The following CYP20A1 variants were observed in gnomAD, a reference collection of about 807,000 sequenced individuals.
The protein encoded by CYP20A1 is cytochrome P450 family 20 subfamily A member 1.
In CYP20A1, 61 loss-of-function variants were observed where a neutral mutation model predicts 61.4. The ratio of observed to expected loss-of-function variants is 0.99; its 90% confidence interval spans 0.81 to 1.23. The LOEUF is 1.23. Among genes scored for constraint, CYP20A1 ranks in the 50% most tolerant of loss-of-function variants. The probability of loss-of-function intolerance (pLI) is 0.00; values close to 1 mark genes in which losing one functional copy is unlikely to be tolerated. For missense variants in CYP20A1, 530 were observed against 542.4 expected (o/e 0.98, Z 0.23); for synonymous variants, 193 against 188.2 (o/e 1.03, Z -0.21).
intron 6 of CYP20A1, among the ~76,000 whole-genome samples, chr2:203,274,298 G>A (rs2067725819): frequency 6.6e-6 from 1 of 151,152 alleles, no homozygotes; most frequent in Non-Finnish European, 1.5e-5. Flanking sequence ...CGATTCTTCT[G>A]CCTCAGCCTC....
chr2:203,272,900 T>G (rs938198845), intron 6 of CYP20A1, 152 bp downstream of exon 6: 7 of 418,266 alleles, frequency 1.7e-5, no homozygotes, highest in Non-Finnish European at 2.9e-5. Context: ...CAGGCTGGAG[T>G]GCAGTGGTGC....
rs193105507 is a variant in CYP20A1 at position 203,261,270 on chromosome 2, G to A, written c.433-5244G>A. 8.1e-3 allele frequency among the ~76,000 whole-genome samples: 1,229 copies of A among 151,724 alleles called. 10 individuals carry two copies. The highest frequency in any genetic ancestry group is 0.013 in the Non-Finnish European group (915 of 67,872). ...CTAAGGAGAACTCTAAAGAATATAGGAATACAGCTGGGCACAGTAACTTAT... is the reference window on the plus strand; with the variant it reads ...CTAAGGAGAACTCTAAAGAATATAGAAATACAGCTGGGCACAGTAACTTAT... On this transcript the variant is annotated intron_variant, in intron 4 of 12. Coordinates refer to ENST00000356079, the MANE Select transcript of CYP20A1 (RefSeq NM_177538.3).
chr2:203,288,061 C>CT lies in CYP20A1; in HGVS notation c.972-1682dup, dbSNP rs869173270. Among the ~76,000 whole-genome samples the CT allele has an allele frequency of 1.6e-4, 11 of 70,460 alleles. 1 individual carries two copies. Among genetic ancestry groups the CT allele is most frequent in the African/African-American group, 5.2e-4 (8 of 15,384 alleles). 46.2% of individuals were successfully genotyped at this position (70,460 alleles called of 152,430 possible). On this transcript the variant is annotated intron_variant, in intron 9 of 12. Transcript: ENST00000356079. ...TCAGCCTGTGTTTATTTCTCTCTCT[C>CT]TTTTTTTTTTTTTTTTTTTTTTCAG... is the stretch of plus-strand genomic sequence containing the variant.
intron 4 of CYP20A1, among the ~76,000 whole-genome samples, chr2:203,263,814 G>T (rs553702108): frequency 6.6e-6 from 1 of 152,204 alleles, no homozygotes; most frequent in South Asian, 2.1e-4. Context: ...TTTGAGACTT[G>T]CTCTGTGTCC....
At chr2:203,278,046 C>T (rs1201889257) in intron 6 of CYP20A1, among the ~76,000 whole-genome samples, 3 of 152,018 alleles carry the variant, frequency 2.0e-5, no homozygotes, top group East Asian at 1.9e-4. Context: ...GAGGCCGAGG[C>T]GGATGGATTG....
At chr2:203,250,361 A>G (rs1241268216) in intron 3 of CYP20A1, among the ~76,000 whole-genome samples, 3 of 152,206 alleles carry the variant, frequency 2.0e-5, no homozygotes, top group Admixed American at 2.0e-4. Context: ...TGAAGAAGGT[A>G]TTATGGTTAT....
chr2:203,255,135 T>C (rs2066848515), intron 4 of CYP20A1, among the ~76,000 whole-genome samples: 1 of 152,206 alleles, frequency 6.6e-6, no homozygotes, highest in Admixed American at 6.5e-5. Context: ...TCCATGATCT[T>C]ACCTGGATTG....
At chr2:203,267,838 C>T (rs1460318337) in intron 5 of CYP20A1, among the ~76,000 whole-genome samples, 1 of 145,340 alleles carries the variant, frequency 6.9e-6, no homozygotes, top group Admixed American at 6.9e-5. Flanking sequence ...AGCAAGAGTC[C>T]ATCTCAAAAA....
intron 11 of CYP20A1, among the ~76,000 whole-genome samples, chr2:203,292,646 A>T (rs1007806707): frequency 6.6e-6 from 1 of 152,010 alleles, no homozygotes; most frequent in South Asian, 2.1e-4. Flanking sequence ...TTTTGTACAG[A>T]TGGGGTTTCA....
chr2:203,270,517 A>G (rs972515464), intron 5 of CYP20A1, among the ~76,000 whole-genome samples: 10 of 151,898 alleles, frequency 6.6e-5, no homozygotes, highest in African/African-American at 2.4e-4. Context: ...ACTAATCTAG[A>G]ACAGCTCTTT....
At chr2:203,288,520 A>T (rs1488838752) in intron 9 of CYP20A1, among the ~76,000 whole-genome samples, 1 of 152,056 alleles carries the variant, frequency 6.6e-6, no homozygotes, top group Non-Finnish European at 1.5e-5. Context: ...TGCCAACTAG[A>T]TTCTGAACCC....
intron 10 of CYP20A1, among the ~76,000 whole-genome samples, chr2:203,291,732 G>T (rs1247956567): frequency 1.3e-5 from 2 of 151,576 alleles, no homozygotes; most frequent in African/African-American, 2.4e-5. Flanking sequence ...CAACGTGCAG[G>T]TTTGTTACAT....
At chr2:203,296,704 G>A (rs1254158627) in intron 12 of CYP20A1, 54 bp from the exon 13 acceptor site, 1 of 1,547,520 alleles carries the variant, frequency 6.5e-7, no homozygotes. Context: ...GAACGTGCAG[G>A]TTTAAAGTAT....
At chr2:203,278,950 G>GT (rs1370648093) in intron 7 of CYP20A1, among the ~76,000 whole-genome samples, 3 of 152,044 alleles carry the variant, frequency 2.0e-5, no homozygotes, top group Non-Finnish European at 4.4e-5. Flanking sequence ...CATCATACAT[G>GT]TTTTTTTGGG....
At chr2:203,282,983 A>C (rs1174055698) in intron 8 of CYP20A1, among the ~76,000 whole-genome samples, 1 of 152,088 alleles carries the variant, frequency 6.6e-6, no homozygotes, top group African/African-American at 2.4e-5. Context: ...AGGCTGGGCA[A>C]TATAGTGGGA....
At chr2:203,258,005 G>GCTCAAGAGCAGTGGCACA (rs1455916330) in intron 4 of CYP20A1, among the ~76,000 whole-genome samples, 1 of 151,752 alleles carries the variant, frequency 6.6e-6, no homozygotes, top group Non-Finnish European at 1.5e-5. Flanking sequence ...GGGCTGAAGG[G>GCTCAAGAGCAGTGGCACA]ATCCTCCTGC....
At position 203,242,731 on chromosome 2, in the gene CYP20A1, C is replaced by T. The variant is rs908977099; in HGVS notation, c.73-3115C>T. On this transcript the variant is annotated intron_variant, in intron 1 of 12. Coordinates refer to ENST00000356079, the MANE Select transcript of CYP20A1 (RefSeq NM_177538.3). Reference sequence around the variant, plus strand: ...GCTTGAGCCTGGGAGATCGAGGCTGCAGTTAGCCAAGATGGCGCCATTGCA... The same window carrying T: ...GCTTGAGCCTGGGAGATCGAGGCTGTAGTTAGCCAAGATGGCGCCATTGCA... Among the ~76,000 whole-genome samples, 3 of 151,350 alleles carry T rather than the reference C, an allele frequency of 2.0e-5. 1 individual carries two copies. The highest frequency in any genetic ancestry group is 7.3e-5 in the African/African-American group (3 of 41,054).
intron 1 of CYP20A1, among the ~76,000 whole-genome samples, chr2:203,240,621 G>A (rs1018084329): frequency 1.3e-5 from 2 of 152,192 alleles, no homozygotes; most frequent in Non-Finnish European, 2.9e-5. Context: ...AGAAGGTGAA[G>A]GTGCAAGCCA....
rs147797037 is a variant in CYP20A1, at chr2:203,292,357, T to A, written c.1148+31T>A. 1,305 of 1,531,740 alleles carry A rather than the reference T, an allele frequency of 8.5e-4. 10 individuals carry two copies. The African/African-American group carries it at 0.016, about 18-fold the overall frequency. The allele number at this position is 1,531,740 out of a possible 1,614,324, so 94.9% of individuals were successfully genotyped here. ...AAATATTTGTCATTGTATTTGTGAC[T>A]GTCAGTTTTTGTGTTTGCACGTTTT... On this transcript the variant is annotated intron_variant, in intron 11 of 12. Coordinates refer to ENST00000356079, the MANE Select transcript of CYP20A1 (RefSeq NM_177538.3).
Sources: allele counts gnomAD v4.1 joint callset (sites outside exome capture counted in the v4.1 genomes callset), GRCh38; gene constraint gnomAD v4.1.1; transcripts MANE v1.5; gene names NCBI Gene and HGNC (gene_info 2026-07-23, HGNC 2026-07-21).